Variants in MYO1D observed in about 807,000 individuals in gnomAD.
The protein encoded by MYO1D is myosin ID, also known as unconventional myosin-Id.
MYO1D carries 83 observed loss-of-function variants against 122.0 expected under a neutral mutation model. The ratio of observed to expected loss-of-function variants is 0.68; its 90% CI spans 0.57 to 0.82. The LOEUF is 0.82. MYO1D is among the 40% of genes least tolerant of loss of function. The pLI, the probability that MYO1D is intolerant of heterozygous loss-of-function variation, is 0.00. For missense variants in MYO1D, 1,157 were observed against 1,269.5 expected (o/e 0.91, Z 1.35); for synonymous variants, 464 against 446.9 (o/e 1.04, Z -0.48).
chr17:32,540,731 G>T (rs1443309222), intron 21 of MYO1D, among the ~76,000 whole-genome samples: 4 of 151,894 alleles, frequency 2.6e-5, no homozygotes, highest in Admixed American at 6.6e-5. Flanking sequence ...TTCGAGACCA[G>T]CCTGGACAAC....
intron 16 of MYO1D, among the ~76,000 whole-genome samples, chr17:32,671,080 G>A (rs1318947168): frequency 6.6e-6 from 1 of 152,244 alleles, no homozygotes; most frequent in African/African-American, 2.4e-5. Flanking sequence ...AAAGGCTGAT[G>A]GAGCTGCTAA....
chr17:32,862,763 A>G (rs1165563937), intron 1 of MYO1D: 2 of 152,254 alleles, frequency 1.3e-5, no homozygotes, highest in Admixed American at 1.3e-4. Flanking sequence ...GACTATTTGG[A>G]TAAGTTGTAA....
At position 32,838,994 on chromosome 17, in the gene MYO1D, A is replaced by C. The variant is rs527552578; in HGVS notation, c.95+37784T>G. 4.9e-4 allele frequency among the ~76,000 whole-genome samples: 75 copies of C among 152,298 alleles called. 1 individual carries two copies. In the South Asian group the frequency reaches 0.015, roughly 31 times the overall value. On this transcript the variant is annotated intron_variant, in intron 1 of 21. Transcript: ENST00000318217. Reference sequence around the variant, plus strand: ...GAAAAATTACAACTTGATTACATATAATTTTCCATAAGGTTTTTAAACAAT... The same window carrying C: ...GAAAAATTACAACTTGATTACATATCATTTTCCATAAGGTTTTTAAACAAT...
intron 16 of MYO1D, among the ~76,000 whole-genome samples, chr17:32,709,389 T>C (rs891203516): frequency 1.3e-5 from 2 of 151,970 alleles, no homozygotes; most frequent in African/African-American, 4.8e-5. Context: ...GGCAGAGGAA[T>C]CTACCAAAAA....
At chr17:32,830,902 A>G (rs1363390730) in intron 1 of MYO1D, among the ~76,000 whole-genome samples, 1 of 152,148 alleles carries the variant, frequency 6.6e-6, no homozygotes, top group Non-Finnish European at 1.5e-5. Flanking sequence ...TAAAAATACA[A>G]AAAATTAGCT....
intron 21 of MYO1D, among the ~76,000 whole-genome samples, chr17:32,513,440 G>T (rs918641922): frequency 7.2e-5 from 11 of 152,126 alleles, no homozygotes; most frequent in Non-Finnish European, 1.6e-4. Flanking sequence ...TGGAAAGAGA[G>T]AATGAGTTTG....
At chr17:32,595,304 T>G (rs1464565186) in intron 21 of MYO1D, among the ~76,000 whole-genome samples, 1 of 152,160 alleles carries the variant, frequency 6.6e-6, no homozygotes, top group Non-Finnish European at 1.5e-5. Context: ...ATTGCATATT[T>G]TCAAATAGCT....
At chr17:32,759,958 G>C (rs1265793378) in intron 10 of MYO1D, 2 of 508,460 alleles carry the variant, frequency 3.9e-6, no homozygotes, top group Non-Finnish European at 6.9e-6. Context: ...CTGAAGCAAA[G>C]TTCAGCCAAT....
At chr17:32,581,741 T>TTG (rs35563167) in intron 21 of MYO1D, among the ~76,000 whole-genome samples, 9,600 of 148,320 alleles carry the variant, frequency 0.065, 417 homozygotes, top group African/African-American at 0.12. Flanking sequence ...CCTGGCTAAT[T>TTG]TGTGTGTGTG....
chr17:32,825,028 AT>A (rs1567660335), intron 1 of MYO1D, among the ~76,000 whole-genome samples: 1 of 152,214 alleles, frequency 6.6e-6, no homozygotes, highest in East Asian at 1.9e-4. Context: ...TTCTTTAGTA[AT>A]GAAAAAATAA....
At chr17:32,681,370 C>G (rs1032058871) in intron 16 of MYO1D, among the ~76,000 whole-genome samples, 43 of 139,734 alleles carry the variant, frequency 3.1e-4, no homozygotes, top group African/African-American at 1.0e-3. Context: ...ATCTTTCCTG[C>G]TTTCTCTTGT....
intron 2 of MYO1D, among the ~76,000 whole-genome samples, chr17:32,780,222 C>T (rs1364747794): frequency 6.6e-6 from 1 of 152,306 alleles, no homozygotes; most frequent in South Asian, 2.1e-4. Context: ...TTCCTTTTCA[C>T]ACCTCAATAT....
At chr17:32,747,782 A>G (rs2089852995) in intron 12 of MYO1D, among the ~76,000 whole-genome samples, 1 of 151,976 alleles carries the variant, frequency 6.6e-6, no homozygotes, top group African/African-American at 2.4e-5. Context: ...GGTTGCAGTG[A>G]GCTGAGATCG....
At chr17:32,526,262 T>C (rs1910339261) in intron 21 of MYO1D, among the ~76,000 whole-genome samples, 1 of 152,244 alleles carries the variant, frequency 6.6e-6, no homozygotes, top group Non-Finnish European at 1.5e-5. Context: ...AGCTCCTCTG[T>C]AAATATCAGC....
intron 21 of MYO1D, among the ~76,000 whole-genome samples, chr17:32,507,061 C>T (rs1278938515): frequency 1.3e-5 from 2 of 152,144 alleles, no homozygotes; most frequent in Non-Finnish European, 2.9e-5. Flanking sequence ...TGCTCTCATA[C>T]ATATGATTTA....
chr17:32,636,270 A>C (rs979057613), intron 20 of MYO1D, among the ~76,000 whole-genome samples: 1 of 152,248 alleles, frequency 6.6e-6, no homozygotes, highest in Non-Finnish European at 1.5e-5. Context: ...AATATGGTTA[A>C]AATTGAAATC....
chr17:32,761,306 C>G (rs1370482126), intron 8 of MYO1D, among the ~76,000 whole-genome samples: 1 of 152,170 alleles, frequency 6.6e-6, no homozygotes, highest in African/African-American at 2.4e-5. Context: ...TCAATCCACT[C>G]CAGTCTCCAC....
intron 21 of MYO1D, among the ~76,000 whole-genome samples, chr17:32,514,039 C>T (rs999985768): frequency 6.6e-6 from 1 of 151,588 alleles, no homozygotes; most frequent in African/African-American, 2.4e-5. Flanking sequence ...GTCAGGAGTT[C>T]AAGACCAGCC....
At chr17:32,519,686 CTG>C (rs1239029988) in intron 21 of MYO1D, among the ~76,000 whole-genome samples, 1 of 151,958 alleles carries the variant, frequency 6.6e-6, no homozygotes, top group East Asian at 1.9e-4. Flanking sequence ...CTCCTTCCGG[CTG>C]TTTTTGTTTG....
Sources: allele counts gnomAD v4.1 joint callset (sites outside exome capture counted in the v4.1 genomes callset), GRCh38; gene constraint gnomAD v4.1.1; transcripts MANE v1.5; gene names NCBI Gene and HGNC (gene_info 2026-07-23, HGNC 2026-07-21).